SLC15A5: variants seen among roughly 807,000 people sequenced by gnomAD.
SLC15A5 encodes the protein Peptide/histidine transporter ENSP00000340402.
Under a neutral mutation model 56.1 loss-of-function variants are expected in SLC15A5, and 58 were observed. The observed-to-expected ratio is 1.03, with a 90% CI of 0.84 to 1.29. The LOEUF (loss-of-function observed/expected upper bound fraction) is 1.29, where lower values mean the gene tolerates loss of function less well. Ranked by LOEUF, SLC15A5 falls within the 50% of genes most tolerant of loss-of-function variation. SLC15A5 has a pLI of 0.00. For synonymous variants in SLC15A5, 264 were observed against 250.5 expected, an observed-to-expected ratio of 1.05 and a Z score of -0.51; for missense variants, 681 against 672.1, an observed-to-expected ratio of 1.01 and a Z score of -0.15.
rs1283593166 is a variant in SLC15A5 at position 16,224,599 on chromosome 12, G to A, written c.1166C>T (p.Ala389Val). The A allele has an allele frequency of 6.5e-7, 1 of 1,527,582 alleles. No homozygotes were observed. The highest frequency in any genetic ancestry group is 1.2e-5 in the South Asian group (1 of 82,680). 94.6% of individuals were successfully genotyped at this position (1,527,582 alleles called of 1,614,324 possible). A position where few individuals can be genotyped will look rare whatever the true frequency, so the allele number is the denominator to read the frequency against. ...VGSFLSTCII[A>V]GNLFAALSVM... Reference sequence around the variant, plus strand: ...AGACAATGCAGCAAAAAGATTTCCAGCAACTGAAGGAAAATAATGCAAAAG... The same window carrying A: ...AGACAATGCAGCAAAAAGATTTCCAACAACTGAAGGAAAATAATGCAAAAG... Residue 389 changes from alanine to valine, a missense_variant, in exon 6 of 9, where the codon GCT becomes GTT. Physicochemically the swap from Ala to Val is moderately conservative, Grantham distance 64. Coordinates refer to ENST00000344941, the MANE Select transcript of SLC15A5 (RefSeq NM_001170798.1).
Position 16,271,566 on chromosome 12 carries a change from A to G in SLC15A5, c.584+995T>C, listed in dbSNP as rs1026786158. Among the ~76,000 whole-genome samples the G allele has an allele frequency of 8.1e-6, 1 of 123,748 alleles. No individual in the cohort carries two copies. The highest frequency in any genetic ancestry group is 1.7e-5 in the Non-Finnish European group (1 of 60,114). 81.2% of individuals were successfully genotyped at this position (123,748 alleles called of 152,430 possible). Reference sequence around the variant, plus strand: ...GTAATATTAATATAATTGGAGAAAGAAAAAAGGGGAGCAAGAGAAAGAAAA... The same window carrying G: ...GTAATATTAATATAATTGGAGAAAGGAAAAAGGGGAGCAAGAGAAAGAAAA... On this transcript the variant is annotated intron_variant, in intron 2 of 8. Coordinates refer to ENST00000344941, the MANE Select transcript of SLC15A5 (RefSeq NM_001170798.1). The surrounding 1 kb of genome is among the most constrained non-coding windows in gnomAD (Gnocchi z 8.0).
At chr12:16,252,148 G>T (rs1222753857) in intron 3 of SLC15A5, among the ~76,000 whole-genome samples, 1 of 151,902 alleles carries the variant, frequency 6.6e-6, no homozygotes, top group Non-Finnish European at 1.5e-5. Context: ...ACTAAGAATA[G>T]CAGGAAACTA....
rs74065814 is a variant in SLC15A5, at chr12:16,223,576, A to T, written c.1351+838T>A. Among the ~76,000 whole-genome samples the T allele has an allele frequency of 1.2e-3, 178 of 152,338 alleles. 1 individual carries two copies. Among genetic ancestry groups the T allele is most frequent in the African/African-American group, 4.0e-3 (166 of 41,578 alleles). On this transcript the variant is annotated intron_variant, in intron 6 of 8. Coordinates refer to ENST00000344941, the MANE Select transcript of SLC15A5 (RefSeq NM_001170798.1). ...AACTTATTTTGAACCTGTCTTATGA[A>T]ACATTAGTGATCTCATTTAATCTAG...
At chr12:16,247,531 A>G (rs544902112) in intron 3 of SLC15A5, among the ~76,000 whole-genome samples, 1 of 152,304 alleles carries the variant, frequency 6.6e-6, no homozygotes, top group South Asian at 2.1e-4. Context: ...ATGAAAACAC[A>G]GTGGGCTGTT....
chr12:16,200,305 A>T (rs1863941947), intron 7 of SLC15A5, among the ~76,000 whole-genome samples: 1 of 151,786 alleles, frequency 6.6e-6, no homozygotes, highest in Non-Finnish European at 1.5e-5. Flanking sequence ...TTTTAAAGGG[A>T]CATTGAAAAT....
At chr12:16,215,014 C>T (rs930195781) in intron 7 of SLC15A5, among the ~76,000 whole-genome samples, 1 of 151,766 alleles carries the variant, frequency 6.6e-6, no homozygotes, top group Non-Finnish European at 1.5e-5. Flanking sequence ...ACCATCCTGG[C>T]CAATATGATG....
chr12:16,206,321 G>A (rs1864019079), intron 7 of SLC15A5, among the ~76,000 whole-genome samples: 1 of 152,172 alleles, frequency 6.6e-6, no homozygotes, highest in South Asian at 2.1e-4. Flanking sequence ...TTCTTGAAAT[G>A]CATATAGCAA....
chr12:16,233,094 T>A (rs1282299114), intron 5 of SLC15A5, among the ~76,000 whole-genome samples: 1 of 152,200 alleles, frequency 6.6e-6, no homozygotes, highest in Non-Finnish European at 1.5e-5. Flanking sequence ...TTGAATTCTG[T>A]GAGTACCTTC....
chr12:16,265,765 G>A (rs1027556780), intron 2 of SLC15A5, among the ~76,000 whole-genome samples: 5 of 152,150 alleles, frequency 3.3e-5, no homozygotes, highest in Non-Finnish European at 7.3e-5. Flanking sequence ...CTAGAAACAT[G>A]AGCCACTACA....
In SLC15A5 at chr12:16,271,333, C is replaced by T. The variant is rs570548743; in HGVS notation, c.584+1228G>A. On this transcript the variant is annotated intron_variant, in intron 2 of 8. Transcript: ENST00000344941. This position sits in a 1 kb window ranked among gnomAD's most constrained non-coding sequence, Gnocchi z 8.0. ...CAACTGATTGCTCTCCAGTCTTAAT[C>T]CTCCAGAGTCTTATTTAATCAAAAT... 2.0e-5 allele frequency among the ~76,000 whole-genome samples: 3 copies of T among 152,240 alleles called. No individual in the cohort carries two copies. The highest frequency in any genetic ancestry group is 7.2e-5 in the African/African-American group (3 of 41,546).
intron 2 of SLC15A5, among the ~76,000 whole-genome samples, chr12:16,258,174 G>A (rs1864596562): frequency 6.6e-6 from 1 of 152,080 alleles, no homozygotes; most frequent in Admixed American, 6.5e-5. Context: ...AATATTTTAG[G>A]CTTTGCAGGC....
Position 16,217,001 on chromosome 12 carries a change from C to T in SLC15A5, c.1375G>A (p.Val459Ile). The T allele has an allele frequency of 4.6e-6, 7 of 1,536,524 alleles. No homozygotes were observed. The highest frequency in any genetic ancestry group is 6.1e-6 in the Non-Finnish European group (7 of 1,146,516). ...PALSVISYRF[V>I]PSNVRGTSMN... ...GAGGTTCCTCTGACATTGCTTGGAA[C>T]AAATCTGTATGATATTACAGAGACT... The change falls in exon 7 of 9, where the codon GTT (valine) becomes ATT (isoleucine). Residue 459 changes from valine (V) to isoleucine (I), a missense_variant. Val to Ile is a conservative substitution (Grantham distance 29). Coordinates refer to ENST00000344941, the MANE Select transcript of SLC15A5 (RefSeq NM_001170798.1).
At chr12:16,270,196 T>C (rs1196314556) in intron 2 of SLC15A5, among the ~76,000 whole-genome samples, 1 of 152,204 alleles carries the variant, frequency 6.6e-6, no homozygotes, top group Non-Finnish European at 1.5e-5. Context: ...TTTCAGTGCC[T>C]GAGACTTCCA....
At chr12:16,195,192 A>C (rs981013189) in intron 7 of SLC15A5, among the ~76,000 whole-genome samples, 1 of 151,490 alleles carries the variant, frequency 6.6e-6, no homozygotes, top group Admixed American at 6.6e-5. Context: ...CTGTGCTATA[A>C]CTCTATCTCT....
At chr12:16,244,921 C>T (rs1283065263) in intron 3 of SLC15A5, 121 bp from the exon 4 acceptor site, 9 of 1,058,904 alleles carry the variant, frequency 8.5e-6, no homozygotes, top group East Asian at 2.6e-5. Context: ...GTTTTTAGCA[C>T]CCAAGGGGTC....
intron 3 of SLC15A5, among the ~76,000 whole-genome samples, chr12:16,250,916 A>T (rs1035628326): frequency 6.6e-6 from 1 of 151,944 alleles, no homozygotes; most frequent in Non-Finnish European, 1.5e-5. Context: ...GACAAAACAA[A>T]CACATGGAAA....
rs1864754367 is a variant in SLC15A5 at position 16,271,428 on chromosome 12, C to CA, written c.584+1132dup. The stretch of plus-strand genomic sequence containing the variant: ...GAAGGATTTTTCTTTCTCCTTTGGG[C>CA]AGGTCAAGGAGGCAGAATTTGCTGC... On this transcript the variant is annotated intron_variant, in intron 2 of 8. Coordinates refer to ENST00000344941, the MANE Select transcript of SLC15A5 (RefSeq NM_001170798.1). This position sits in a 1 kb window ranked among gnomAD's most constrained non-coding sequence, Gnocchi z 8.0. Among the ~76,000 whole-genome samples, 1 of 152,128 alleles carries CA rather than the reference C, an allele frequency of 6.6e-6. No homozygotes were observed. The highest frequency in any genetic ancestry group is 1.5e-5 in the Non-Finnish European group (1 of 68,014).
In SLC15A5 at chr12:16,237,440, G is replaced by A. The variant is rs1175600215; in HGVS notation, c.1162+2241C>T. Among the ~76,000 whole-genome samples the A allele has an allele frequency of 2.0e-5, 3 of 152,140 alleles. No homozygotes were observed. The highest frequency in any genetic ancestry group is 4.1e-4 in the South Asian group (2 of 4,836). On this transcript the variant is annotated intron_variant, in intron 5 of 8. Coordinates refer to ENST00000344941, the MANE Select transcript of SLC15A5 (RefSeq NM_001170798.1). The surrounding 1 kb of genome is among the most constrained non-coding windows in gnomAD (Gnocchi z 4.1). ...CGTAGCTTAGTTTCTTTTGAAGTGA[G>A]TCTAGTTTTTCCTTTTTCCTGTGCA...
At chr12:16,239,293 A>C (rs1253426977) in intron 5 of SLC15A5, among the ~76,000 whole-genome samples, 1 of 152,250 alleles carries the variant, frequency 6.6e-6, no homozygotes, top group Non-Finnish European at 1.5e-5. Context: ...ACTAATCCTT[A>C]ATCAATTTTG....
Sources: gnomAD v4.1 joint callset for allele counts (sites outside exome capture counted in the v4.1 genomes callset) on GRCh38, gnomAD v4.1.1 for gene constraint, Gnocchi (gnomAD v3.1) non-coding constraint, MANE v1.5 for transcripts, NCBI Gene and HGNC (gene_info 2026-07-23, HGNC 2026-07-21) for gene names.